The following PEX5L variants were observed in gnomAD, a reference collection of about 807,000 sequenced individuals.
PEX5L encodes the protein peroxisomal biogenesis factor 5 like, also known as PEX5-related protein.
In PEX5L, 30 loss-of-function variants were observed where a neutral mutation model predicts 84.0. The observed-to-expected ratio is 0.36, with a 90% CI of 0.27 to 0.48. The LOEUF (loss-of-function observed/expected upper bound fraction) is 0.48, where lower values mean the gene tolerates loss of function less well. Among genes scored for constraint, PEX5L ranks in the 20% least tolerant of loss-of-function variants. The probability of loss-of-function intolerance (pLI) is 0.99; values close to 1 mark genes in which losing one functional copy is unlikely to be tolerated. For synonymous variants in PEX5L, 270 were observed against 283.1 expected, an observed-to-expected ratio of 0.95 and a Z score of 0.46; for missense variants, 533 against 754.6, an observed-to-expected ratio of 0.71 and a Z score of 3.44.
rs115310426 is a variant in PEX5L, at chr3:180,022,514, T to C, written c.21+14065A>G. On this transcript the variant is annotated intron_variant, in intron 1 of 14. Transcript: ENST00000467460. ...AAAAGAGGGGTTAATTTAAAGGAGG[T>C]TAAAACATTAAAGTAATACATGAAA... Among the ~76,000 whole-genome samples, 1,433 of 152,296 alleles carry C rather than the reference T, an allele frequency of 9.4e-3. 34 individuals carry two copies. The highest frequency in any genetic ancestry group is 0.032 in the African/African-American group (1,332 of 41,542).
intron 1 of PEX5L, among the ~76,000 whole-genome samples, chr3:180,030,103 A>G (rs903068822): frequency 6.6e-5 from 10 of 152,204 alleles, no homozygotes; most frequent in African/African-American, 2.4e-4. Context: ...ACTGACAAAC[A>G]GGGAATATTT....
chr3:180,027,615 C>T (rs1791086878), intron 1 of PEX5L, among the ~76,000 whole-genome samples: 1 of 152,050 alleles, frequency 6.6e-6, no homozygotes, highest in African/African-American at 2.4e-5. Flanking sequence ...TTAACATAGC[C>T]ACAGTATAGT....
At chr3:179,816,542 A>G (rs560258292) in intron 9 of PEX5L, among the ~76,000 whole-genome samples, 12 of 152,172 alleles carry the variant, frequency 7.9e-5, no homozygotes, top group African/African-American at 1.2e-4. Context: ...AACAATGAGA[A>G]CACGTGGACA....
intron 2 of PEX5L, among the ~76,000 whole-genome samples, chr3:179,905,121 C>G (rs1047238757): frequency 6.6e-6 from 1 of 152,178 alleles, no homozygotes; most frequent in Non-Finnish European, 1.5e-5. Context: ...CTCTAAAAGC[C>G]TGGACCCTTT....
At chr3:179,968,578 G>T (rs765747172) in intron 2 of PEX5L, among the ~76,000 whole-genome samples, 3 of 152,008 alleles carry the variant, frequency 2.0e-5, no homozygotes, top group Non-Finnish European at 4.4e-5. Flanking sequence ...GAGGCATTAA[G>T]ATTTTAATCC....
At chr3:179,904,196 G>C (rs1762354912) in intron 2 of PEX5L, among the ~76,000 whole-genome samples, 1 of 152,100 alleles carries the variant, frequency 6.6e-6, no homozygotes, top group Non-Finnish European at 1.5e-5. Flanking sequence ...CTCCCTTACT[G>C]TCTCTTTTTC....
chr3:180,011,032 T>A (rs1316179682), intron 1 of PEX5L, among the ~76,000 whole-genome samples: 1 of 152,192 alleles, frequency 6.6e-6, no homozygotes, highest in Non-Finnish European at 1.5e-5. Flanking sequence ...GATGTAAGTG[T>A]GAGAGTACCT....
chr3:179,900,498 C>T (rs1191146339), intron 2 of PEX5L, among the ~76,000 whole-genome samples: 1 of 152,090 alleles, frequency 6.6e-6, no homozygotes, highest in African/African-American at 2.4e-5. Flanking sequence ...TTTACATGTG[C>T]AACTATAATA....
At chr3:179,901,229 C>T (rs1413266703) in intron 2 of PEX5L, among the ~76,000 whole-genome samples, 1 of 35,400 alleles carries the variant, frequency 2.8e-5, no homozygotes, top group Non-Finnish European at 5.8e-5. Flanking sequence ...AGACTTCAGA[C>T]TCAATTTTCA....
intron 12 of PEX5L, among the ~76,000 whole-genome samples, chr3:179,809,191 C>T (rs1190205551): frequency 1.4e-5 from 2 of 146,272 alleles, no homozygotes; most frequent in East Asian, 4.5e-4. Flanking sequence ...ATTTATTATA[C>T]TTCACCTTGG....
At chr3:179,862,296 C>T (rs1057127111) in intron 7 of PEX5L, among the ~76,000 whole-genome samples, 1 of 152,206 alleles carries the variant, frequency 6.6e-6, no homozygotes, top group African/African-American at 2.4e-5. Context: ...ATGTATTTTG[C>T]TATATCTGGC....
chr3:179,811,777 G>C (rs1577167415), intron 11 of PEX5L, 24 bp downstream of exon 11: 1 of 1,564,582 alleles, frequency 6.4e-7, no homozygotes. Context: ...CCAGGCCCAT[G>C]ATTTTGCACT....
chr3:179,956,743 T>C (rs1307754903), intron 2 of PEX5L, among the ~76,000 whole-genome samples: 1 of 152,158 alleles, frequency 6.6e-6, no homozygotes. Flanking sequence ...AGTTTAAACC[T>C]GAGGTTTTAC....
chr3:179,826,033 C>G (rs1017994827), intron 8 of PEX5L, among the ~76,000 whole-genome samples: 5 of 152,164 alleles, frequency 3.3e-5, no homozygotes, highest in Non-Finnish European at 4.4e-5. Flanking sequence ...CAGATGCTGG[C>G]AGGCACCTGG....
intron 8 of PEX5L, among the ~76,000 whole-genome samples, chr3:179,830,444 G>A (rs531069708): frequency 1.8e-4 from 27 of 152,246 alleles, no homozygotes; most frequent in Middle Eastern, 3.4e-3. Flanking sequence ...CAACAGCAAG[G>A]CAAGGATTCT....
chr3:179,909,821 A>G (rs1236124803), intron 2 of PEX5L, among the ~76,000 whole-genome samples: 2 of 152,230 alleles, frequency 1.3e-5, no homozygotes, highest in Non-Finnish European at 2.9e-5. Context: ...CCATGTGAAG[A>G]CACAGGGAGA....
At chr3:179,898,904 A>G (rs1282417683) in intron 2 of PEX5L, among the ~76,000 whole-genome samples, 1 of 152,136 alleles carries the variant, frequency 6.6e-6, no homozygotes, top group Non-Finnish European at 1.5e-5. Flanking sequence ...CTTTTAACTG[A>G]AGAACCCCAT....
Position 179,960,736 on chromosome 3 carries a change from A to G in PEX5L, c.93+10858T>C, listed in dbSNP as rs946560391. Reference sequence around the variant, plus strand: ...AATATCTAACCTGTTTATGAGCTCAATATGTTTTATCTTGTAGTAAATGAT... The same window carrying G: ...AATATCTAACCTGTTTATGAGCTCAGTATGTTTTATCTTGTAGTAAATGAT... On this transcript the variant is annotated intron_variant, in intron 2 of 14. Transcript: ENST00000467460. Among the ~76,000 whole-genome samples the G allele has an allele frequency of 3.3e-4, 50 of 152,320 alleles. 1 individual carries two copies. Among genetic ancestry groups the G allele is most frequent in the African/African-American group, 1.1e-3 (45 of 41,562 alleles).
At chr3:179,818,596 C>T (rs1434456575) in intron 9 of PEX5L, among the ~76,000 whole-genome samples, 2 of 151,846 alleles carry the variant, frequency 1.3e-5, no homozygotes, top group Non-Finnish European at 2.9e-5. Context: ...CTACCCCCCT[C>T]CCCTGCCCAT....
Sources: gnomAD v4.1 joint callset for allele counts (sites outside exome capture counted in the v4.1 genomes callset) on GRCh38, gnomAD v4.1.1 for gene constraint, MANE v1.5 for transcripts, NCBI Gene and HGNC (gene_info 2026-07-23, HGNC 2026-07-21) for gene names.